APBB2: variants seen among roughly 807,000 people sequenced by gnomAD.
The protein encoded by APBB2 is amyloid beta precursor protein binding family B member 2.
In APBB2, 38 loss-of-function variants were observed where a neutral mutation model predicts 82.5. The ratio of observed to expected loss-of-function variants is 0.46; its 90% CI spans 0.36 to 0.60. The LOEUF is 0.60. APBB2 is among the 20% of genes least tolerant of loss of function. APBB2 has a pLI of 0.00. For synonymous variants in APBB2, 341 were observed against 368.2 expected, an observed-to-expected ratio of 0.93 and a Z score of 0.85; for missense variants, 772 against 972.3, an observed-to-expected ratio of 0.79 and a Z score of 2.74.
intron 10 of APBB2, among the ~76,000 whole-genome samples, chr4:40,926,040 TA>T (rs1433220960): frequency 3.3e-5 from 5 of 152,058 alleles, no homozygotes; most frequent in African/African-American, 4.8e-5. Context: ...CCAGTGCCAA[TA>T]AAAAAAGTTC....
Position 40,995,550 on chromosome 4 carries a change from T to A in APBB2, c.835+18033A>T, listed in dbSNP as rs557529686. On this transcript the variant is annotated intron_variant, in intron 6 of 17. Coordinates refer to ENST00000508593, the MANE Select transcript of APBB2 (RefSeq NM_004307.2). ...TGGCTAATGTTTAAAAAAAAAAAAT[T>A]TTTTTTTTTTTTTGAAACAGACTCA... Among the ~76,000 whole-genome samples the A allele has an allele frequency of 6.1e-3, 884 of 143,958 alleles. 15 individuals carry two copies. Among genetic ancestry groups the A allele is most frequent in the African/African-American group, 0.021 (779 of 37,088 alleles). 94.4% of individuals were successfully genotyped at this position (143,958 alleles called of 152,430 possible).
chr4:41,212,129 A>C (rs893990423), intron 1 of APBB2, among the ~76,000 whole-genome samples: 1 of 152,238 alleles, frequency 6.6e-6, no homozygotes, highest in Non-Finnish European at 1.5e-5. Context: ...AAAAGAATTC[A>C]ATGTTCATAT....
chr4:40,995,186 G>C (rs143934389), intron 6 of APBB2, among the ~76,000 whole-genome samples: 75 of 152,260 alleles, frequency 4.9e-4, no homozygotes, highest in African/African-American at 1.5e-3. Context: ...ATGCAGTTGA[G>C]TAATTATTTC....
At position 41,074,607 on chromosome 4, in the gene APBB2, TA is replaced by T. The variant is rs1480892020; in HGVS notation, c.-148-8935del. Among the ~76,000 whole-genome samples the T allele has an allele frequency of 3.0e-4, 32 of 106,780 alleles. No individual in the cohort carries two copies. The South Asian group carries it at 3.0e-3, about 10-fold the overall frequency. 70.1% of individuals were successfully genotyped at this position (106,780 alleles called of 152,430 possible). ...ATATGAAGGCAAATATTATTATTAT[TA>T]TTTTTTTTTTTTTTTTTTTGAGATG... On this transcript the variant is annotated intron_variant, in intron 3 of 17. Transcript: ENST00000508593.
At chr4:41,208,653 G>C (rs140356357) in intron 1 of APBB2, among the ~76,000 whole-genome samples, 1 of 152,096 alleles carries the variant, frequency 6.6e-6, no homozygotes, top group Admixed American at 6.5e-5. Context: ...GTTACACTTC[G>C]GGAACTTCAG....
At chr4:41,049,131 G>A (rs1481717125) in intron 4 of APBB2, among the ~76,000 whole-genome samples, 2 of 150,550 alleles carry the variant, frequency 1.3e-5, no homozygotes, top group African/African-American at 4.9e-5. Context: ...CCCATCGTCT[G>A]AGATGTGAGG....
chr4:41,207,472 T>A (rs754274360), intron 1 of APBB2, among the ~76,000 whole-genome samples: 2 of 151,914 alleles, frequency 1.3e-5, no homozygotes, highest in Non-Finnish European at 2.9e-5. Flanking sequence ...TGCTAAAGAG[T>A]GTTGTTTTGC....
chr4:41,002,089 C>T (rs1377512318), intron 6 of APBB2, among the ~76,000 whole-genome samples: 1 of 152,048 alleles, frequency 6.6e-6, no homozygotes, highest in African/African-American at 2.4e-5. Flanking sequence ...AAGCTTTTAT[C>T]TCACTGTTTT....
chr4:40,823,769 G>T lies in APBB2; in HGVS notation c.1817-10C>A, dbSNP rs756462494. 6.3e-7 allele frequency: 1 copy of T among 1,594,556 alleles called. No individual in the cohort carries two copies. Among genetic ancestry groups the T allele is most frequent in the Non-Finnish European group, 8.6e-7 (1 of 1,164,932 alleles). ...TTCAAAATATCCATTCCTGGGGACA[G>T]AAAAGGATAATTTAAAGTGTCCTAA... is the stretch of plus-strand genomic sequence containing the variant. On this transcript the variant is annotated splice_polypyrimidine_tract_variant and intron_variant, in intron 15 of 17. Transcript: ENST00000508593.
chr4:40,918,800 G>T (rs1780547210), intron 10 of APBB2, among the ~76,000 whole-genome samples: 2 of 140,074 alleles, frequency 1.4e-5, no homozygotes, highest in Non-Finnish European at 3.1e-5. Context: ...TTTTAACAGA[G>T]ACAGGGTCTC....
At chr4:41,035,593 TAGAG>T (rs1433628094) in intron 4 of APBB2, among the ~76,000 whole-genome samples, 1 of 152,066 alleles carries the variant, frequency 6.6e-6, no homozygotes, top group East Asian at 1.9e-4. Context: ...TGAATACCAG[TAGAG>T]AGAAAGTCAA....
At chr4:40,902,264 C>T (rs1371517389) in intron 10 of APBB2, among the ~76,000 whole-genome samples, 1 of 152,200 alleles carries the variant, frequency 6.6e-6, no homozygotes, top group African/African-American at 2.4e-5. Context: ...ACCGTCAAGA[C>T]ATCAACACGT....
intron 1 of APBB2, among the ~76,000 whole-genome samples, chr4:41,185,219 GGTT>G (rs1419426667): frequency 1.3e-5 from 2 of 152,156 alleles, no homozygotes; most frequent in African/African-American, 2.4e-5. Flanking sequence ...ATCTTAATAT[GGTT>G]ATTATGTATC....
chr4:40,890,244 T>C, intron 12 of APBB2, 120 bp downstream of exon 12: 1 of 1,343,552 alleles, frequency 7.4e-7, no homozygotes, highest in Non-Finnish European at 9.9e-7. Flanking sequence ...TTTTTCACAT[T>C]TCTATATAGA....
intron 10 of APBB2, among the ~76,000 whole-genome samples, chr4:40,923,125 G>A (rs1009753702): frequency 7.3e-5 from 11 of 151,646 alleles, no homozygotes; most frequent in Middle Eastern, 3.2e-3. Context: ...ACAGGCGCCC[G>A]CCACCGCGCC....
chr4:41,025,959 A>AG (rs1039667785), intron 5 of APBB2, among the ~76,000 whole-genome samples: 2 of 151,578 alleles, frequency 1.3e-5, no homozygotes, highest in African/African-American at 2.4e-5. Context: ...AAAAAAAAAA[A>AG]AAAAGAAAAA....
intron 3 of APBB2, among the ~76,000 whole-genome samples, chr4:41,074,025 C>A (rs917003681): frequency 1.3e-5 from 2 of 152,128 alleles, no homozygotes; most frequent in Non-Finnish European, 2.9e-5. Flanking sequence ...ACTTGGGAGG[C>A]TGAGGCAGGA....
chr4:40,904,251 C>T (rs1028638424), intron 10 of APBB2, among the ~76,000 whole-genome samples: 5 of 151,834 alleles, frequency 3.3e-5, no homozygotes, highest in African/African-American at 9.7e-5. Context: ...GCCAACATGG[C>T]GAAACCCCGT....
chr4:40,864,001 G>A (rs1763439280), intron 12 of APBB2, among the ~76,000 whole-genome samples: 1 of 151,248 alleles, frequency 6.6e-6, no homozygotes, highest in South Asian at 2.1e-4. Context: ...GCTCACGCCT[G>A]TAATCCCAGC....
Sources: allele counts gnomAD v4.1 joint callset (sites outside exome capture counted in the v4.1 genomes callset), GRCh38; gene constraint gnomAD v4.1.1; transcripts MANE v1.5; gene names NCBI Gene and HGNC (gene_info 2026-07-23, HGNC 2026-07-21).